MYOF: variants seen among roughly 807,000 people sequenced by gnomAD.
MYOF encodes the protein myoferlin, also known as fer-1-like 3, myoferlin.
MYOF carries 244 observed loss-of-function variants against 284.2 expected under a neutral mutation model. The ratio of observed to expected loss-of-function variants is 0.86; its 90% confidence interval spans 0.77 to 0.95. The LOEUF (loss-of-function observed/expected upper bound fraction) is 0.95. Among genes scored for constraint, MYOF ranks in the 40% least tolerant of loss-of-function variants. The pLI is 0.00. For missense variants in MYOF, 2,496 were observed against 2,560.6 expected, an observed-to-expected ratio of 0.97 and a Z score of 0.54; for synonymous variants, 904 against 919.7, an observed-to-expected ratio of 0.98 and a Z score of 0.31.
intron 5 of MYOF, among the ~76,000 whole-genome samples, chr10:93,422,561 C>T (rs545511467): frequency 6.6e-6 from 1 of 152,160 alleles, no homozygotes; most frequent in Non-Finnish European, 1.5e-5. Flanking sequence ...CTTTGGGAGG[C>T]CAAGGTGGGT....
intron 50 of MYOF, among the ~76,000 whole-genome samples, chr10:93,314,016 A>G (rs1449592492): frequency 6.6e-6 from 1 of 152,162 alleles, no homozygotes; most frequent in Non-Finnish European, 1.5e-5. Flanking sequence ...TCAACAGAAA[A>G]CGCTCACCAG....
chr10:93,378,170 A>T (rs1045587820), intron 21 of MYOF, among the ~76,000 whole-genome samples: 4 of 152,218 alleles, frequency 2.6e-5, no homozygotes, highest in African/African-American at 7.2e-5. Flanking sequence ...GTTCTATTCC[A>T]TTGAGCACCT....
chr10:93,336,284 G>A (rs1843603612), intron 40 of MYOF, among the ~76,000 whole-genome samples: 1 of 152,148 alleles, frequency 6.6e-6, no homozygotes, highest in African/African-American at 2.4e-5. Flanking sequence ...ATTTACTGAT[G>A]ACAAGTGAAA....
chr10:93,438,146 G>A (rs2056123813), intron 3 of MYOF, among the ~76,000 whole-genome samples: 1 of 152,122 alleles, frequency 6.6e-6, no homozygotes, highest in African/African-American at 2.4e-5. Context: ...GGGTTAGCCA[G>A]AATCCCCCTG....
At chr10:93,454,130 C>T (rs538448996) in intron 2 of MYOF, among the ~76,000 whole-genome samples, 1 of 152,032 alleles carries the variant, frequency 6.6e-6, no homozygotes, top group East Asian at 1.9e-4. Flanking sequence ...TGCAGTGAGC[C>T]GAGATCGCAC....
intron 16 of MYOF, 54 bp from the exon 17 acceptor site, chr10:93,393,009 C>G (rs1846777120): frequency 1.3e-6 from 2 of 1,492,732 alleles, no homozygotes; most frequent in Admixed American, 3.5e-5. Flanking sequence ...CATTATAAAA[C>G]AGACATTGAA....
intron 5 of MYOF, among the ~76,000 whole-genome samples, chr10:93,421,400 T>G (rs549167835): frequency 6.6e-6 from 1 of 152,314 alleles, no homozygotes; most frequent in East Asian, 1.9e-4. Flanking sequence ...TCCTGGTGTC[T>G]TCCCTAGCAG....
At chr10:93,448,479 A>G (rs994889869) in intron 3 of MYOF, among the ~76,000 whole-genome samples, 2 of 151,986 alleles carry the variant, frequency 1.3e-5, no homozygotes, top group Non-Finnish European at 2.9e-5. Flanking sequence ...GTATTTGTTT[A>G]TTTTCTAACT....
intron 18 of MYOF, among the ~76,000 whole-genome samples, chr10:93,388,605 T>A (rs1443315247): frequency 6.6e-6 from 1 of 152,204 alleles, no homozygotes; most frequent in African/African-American, 2.4e-5. Flanking sequence ...CTAAAAGACA[T>A]TTGGCTTCTG....
intron 41 of MYOF, among the ~76,000 whole-genome samples, chr10:93,334,311 A>G (rs1843495108): frequency 6.6e-6 from 1 of 151,266 alleles, no homozygotes; most frequent in South Asian, 2.1e-4. Flanking sequence ...TCCACCTCCC[A>G]CTCCCAGGCA....
chr10:93,329,884 TCA>T, intron 43 of MYOF, 50 bp from the exon 44 acceptor site: 1 of 1,586,288 alleles, frequency 6.3e-7, no homozygotes, highest in Non-Finnish European at 8.6e-7. Context: ...TCTGAGTACC[TCA>T]CAAAAACTGG....
At chr10:93,394,421 C>T (rs1449932644) in intron 16 of MYOF, among the ~76,000 whole-genome samples, 1 of 118,994 alleles carries the variant, frequency 8.4e-6, no homozygotes, top group African/African-American at 3.1e-5. Flanking sequence ...TATAATTGTA[C>T]TATATCTCCT....
chr10:93,368,992 T>A (rs1394853715), intron 25 of MYOF, among the ~76,000 whole-genome samples: 1 of 152,164 alleles, frequency 6.6e-6, no homozygotes, highest in African/African-American at 2.4e-5. Flanking sequence ...GCTGTAAACA[T>A]TTGTGAACAT....
chr10:93,370,882 TAAAC>T (rs993797181), intron 24 of MYOF, among the ~76,000 whole-genome samples: 12 of 152,038 alleles, frequency 7.9e-5, no homozygotes, highest in African/African-American at 2.7e-4. Flanking sequence ...TTTTTAAACA[TAAAC>T]AAAGTGAACC....
intron 41 of MYOF, 86 bp from the exon 42 acceptor site, chr10:93,333,999 G>C: frequency 1.4e-6 from 2 of 1,390,692 alleles, no homozygotes; most frequent in Non-Finnish European, 2.0e-6. Context: ...CGCCAGGGGT[G>C]TGGGATTGAA....
At chr10:93,324,587 AAAG>A (rs749416658) in intron 46 of MYOF, 5 of 152,270 alleles carry the variant, frequency 3.3e-5, no homozygotes, top group Non-Finnish European at 5.9e-5. Context: ...GAGAGGAGAG[AAAG>A]AAGGAGGAAT....
chr10:93,347,612 G>A lies in MYOF; in HGVS notation c.4249+5C>T. ...CCCAGACTTATGCACAGCCTTGCAT[G>A]TTACCTTTGAGCTGTGGGACGATGT... is the stretch of plus-strand genomic sequence containing the variant. On this transcript the variant is annotated splice_donor_5th_base_variant and intron_variant, in intron 37 of 53. Coordinates refer to ENST00000359263, the MANE Select transcript of MYOF (RefSeq NM_013451.4). 3 of 1,584,288 alleles carry A rather than the reference G, an allele frequency of 1.9e-6. No individual in the cohort carries two copies. Among genetic ancestry groups the A allele is most frequent in the Non-Finnish European group, 2.6e-6 (3 of 1,158,824 alleles).
chr10:93,332,173 G>A lies in MYOF; in HGVS notation c.4811+1048C>T, dbSNP rs369441024. Among the ~76,000 whole-genome samples, 37 of 152,046 alleles carry A rather than the reference G, an allele frequency of 2.4e-4. 1 individual carries two copies. Among genetic ancestry groups the A allele is most frequent in the African/African-American group, 3.4e-4 (14 of 41,396 alleles). ...ATGGAGATGGAAATCAGACCGTGGC[G>A]TGCCACACAGACACTGGGGTCAGAT... is the stretch of plus-strand genomic sequence containing the variant. On this transcript the variant is annotated intron_variant, in intron 43 of 53. Coordinates refer to ENST00000359263, the MANE Select transcript of MYOF (RefSeq NM_013451.4).
chr10:93,368,041 G>A (rs1221612572), intron 25 of MYOF, among the ~76,000 whole-genome samples: 1 of 150,856 alleles, frequency 6.6e-6, no homozygotes, highest in Non-Finnish European at 1.5e-5. Flanking sequence ...AGGAAGCCCT[G>A]GGCTGGTCGA....
Sources: allele counts gnomAD v4.1 joint callset (sites outside exome capture counted in the v4.1 genomes callset), GRCh38; gene constraint gnomAD v4.1.1; transcripts MANE v1.5; gene names NCBI Gene and HGNC (gene_info 2026-07-23, HGNC 2026-07-21).